CEP83: variants seen among roughly 807,000 people sequenced by gnomAD.
CEP83 encodes centrosomal protein of 83 kDa.
CEP83 carries 70 observed loss-of-function variants against 101.9 expected under a neutral mutation model. The ratio of observed to expected loss-of-function variants is 0.69; its 90% CI spans 0.57 to 0.84. The LOEUF (loss-of-function observed/expected upper bound fraction) is 0.84, where lower values mean the gene tolerates loss of function less well. Ranked by LOEUF, CEP83 falls within the 40% of genes least tolerant of loss-of-function variation. The probability of loss-of-function intolerance (pLI) is 0.00; values close to 1 mark genes in which losing one functional copy is unlikely to be tolerated. For synonymous variants in CEP83, 264 were observed against 267.9 expected (o/e 0.99, Z 0.14); for missense variants, 715 against 787.2 (o/e 0.91, Z 1.10).
rs568769580 is a variant in CEP83, at chr12:94,333,632, C to A, written c.1427G>T (p.Ser476Ile). Residue 476 changes from serine (S) to isoleucine (I), a missense_variant, in exon 13 of 17, where the codon AGT becomes ATT. Ser to Ile is a moderately radical substitution (Grantham distance 142). Coordinates refer to ENST00000397809, the MANE Select transcript of CEP83 (RefSeq NM_016122.3). ...NENSDLKQQI[S>I]SLQIQVTSLA... ...TGAAGTCACTTGGATCTGCAAACTA[C>A]TGATTTGCTTAAAAGAGAAGAAAGA... is the stretch of plus-strand genomic sequence containing the variant. 1.9e-4 allele frequency: 310 copies of A among 1,611,488 alleles called. 4 individuals are homozygous for A. The South Asian group carries it at 3.3e-3, about 17-fold the overall frequency.
chr12:94,403,334 T>C, intron 4 of CEP83, 72 bp from the exon 5 acceptor site: 1 of 721,128 alleles, frequency 1.4e-6, no homozygotes, highest in South Asian at 1.7e-5. Flanking sequence ...TCAAAGCCTC[T>C]CTCCTAATTA....
At chr12:94,348,582 T>C (rs998844264) in intron 11 of CEP83, among the ~76,000 whole-genome samples, 1 of 152,084 alleles carries the variant, frequency 6.6e-6, no homozygotes, top group African/African-American at 2.4e-5. Flanking sequence ...AGTGGCTGGA[T>C]GGAGAAGAAG....
chr12:94,347,050 A>AATATATATATATATATAT lies in CEP83; in HGVS notation c.1344-11404_1344-11387dup, dbSNP rs137940620. The stretch of plus-strand genomic sequence containing the variant: ...AAGATCCTGTATCAAAAAATAAACA[A>AATATATATATATATATAT]ATATATATATATATATATACACATA... On this transcript the variant is annotated intron_variant, in intron 11 of 16. Transcript: ENST00000397809. Among the ~76,000 whole-genome samples, 109 of 132,002 alleles carry AATATATATATATATATAT rather than the reference A, an allele frequency of 8.3e-4. 1 individual carries two copies. Among genetic ancestry groups the AATATATATATATATATAT allele is most frequent in the African/African-American group, 1.9e-3 (68 of 35,632 alleles). The allele number at this position is 132,002 out of a possible 152,430, so 86.6% of individuals were successfully genotyped here.
chr12:94,391,797 AG>A (rs2062557915), intron 6 of CEP83, among the ~76,000 whole-genome samples: 1 of 152,090 alleles, frequency 6.6e-6, no homozygotes, highest in Non-Finnish European at 1.5e-5. Context: ...TACCAAGCAA[AG>A]GTAGATCAAG....
At chr12:94,447,035 T>A (rs928218368) in intron 1 of CEP83, among the ~76,000 whole-genome samples, 2 of 152,158 alleles carry the variant, frequency 1.3e-5, no homozygotes, top group Admixed American at 6.6e-5. Context: ...CAAATTTTTT[T>A]AAAGAAACAC....
the CEP83 span, chr12:94,297,125 C>T: frequency 3.2e-6 from 5 of 1,538,610 alleles, no homozygotes; most frequent in Non-Finnish European, 4.5e-6. Flanking sequence ...TAAGAGAAGG[C>T]CGATTAGCCC....
chr12:94,377,937 AT>A (rs1415452008), intron 7 of CEP83, among the ~76,000 whole-genome samples: 1 of 152,218 alleles, frequency 6.6e-6, no homozygotes, highest in African/African-American at 2.4e-5. Flanking sequence ...ATGTAACAAA[AT>A]AAAAAGTAAC....
chr12:94,400,211 A>G (rs1308244393), intron 6 of CEP83, among the ~76,000 whole-genome samples: 1 of 152,216 alleles, frequency 6.6e-6, no homozygotes, highest in East Asian at 1.9e-4. Flanking sequence ...TTCAATTTGA[A>G]AAATATTCCA....
chr12:94,312,887 G>T, intron 15 of CEP83, 27 bp downstream of exon 15: 2 of 1,302,960 alleles, frequency 1.5e-6, no homozygotes, highest in South Asian at 2.7e-5. Context: ...TAACCACATG[G>T]GGAAGATACA....
chr12:94,376,699 AC>A (rs1272606787), intron 7 of CEP83, among the ~76,000 whole-genome samples: 41 of 113,144 alleles, frequency 3.6e-4, no homozygotes, highest in Non-Finnish European at 6.2e-4. Context: ...ATACACACAC[AC>A]ACACACACAC....
At chr12:94,419,891 C>A (rs1247581971) in intron 2 of CEP83, among the ~76,000 whole-genome samples, 1 of 152,090 alleles carries the variant, frequency 6.6e-6, no homozygotes, top group East Asian at 1.9e-4. Flanking sequence ...CACAAAGTTG[C>A]CACAATATAG....
the CEP83 span, among the ~76,000 whole-genome samples, chr12:94,300,615 A>T: frequency 6.6e-6 from 1 of 152,142 alleles, no homozygotes; most frequent in East Asian, 1.9e-4. Context: ...CTGTCAGGAG[A>T]TGGGAAATAA....
intron 6 of CEP83, among the ~76,000 whole-genome samples, chr12:94,399,025 T>C (rs934829830): frequency 3.3e-5 from 5 of 152,252 alleles, no homozygotes; most frequent in African/African-American, 1.2e-4. Context: ...AGACAATACA[T>C]GCACCACTGA....
chr12:94,279,895 T>TA, the CEP83 span: 1 of 648,872 alleles, frequency 1.5e-6, no homozygotes, highest in Non-Finnish European at 2.8e-6. Flanking sequence ...CTTTAAATAT[T>TA]ACGTCTGTAA....
At chr12:94,384,976 T>C (rs1476080636) in intron 6 of CEP83, among the ~76,000 whole-genome samples, 1 of 152,156 alleles carries the variant, frequency 6.6e-6, no homozygotes, top group Non-Finnish European at 1.5e-5. Flanking sequence ...AACTTGGACA[T>C]TTGGGGAATT....
At chr12:94,288,619 G>C in the CEP83 span, among the ~76,000 whole-genome samples, 3 of 152,230 alleles carry the variant, frequency 2.0e-5, no homozygotes, top group Non-Finnish European at 4.4e-5. Context: ...AGGATGTTCT[G>C]ACGGCCCCTT....
chr12:94,303,919 A>C (rs1301347511), downstream of CEP83: 1 of 1,607,566 alleles, frequency 6.2e-7, no homozygotes, highest in Non-Finnish European at 8.5e-7. Flanking sequence ...AGCAGAAATA[A>C]GCTTATATTT....
intron 11 of CEP83, among the ~76,000 whole-genome samples, chr12:94,352,528 A>G (rs1213827511): frequency 1.3e-5 from 2 of 152,096 alleles, no homozygotes; most frequent in African/African-American, 4.8e-5. Flanking sequence ...AAAATGCCTG[A>G]AAAGAAATTA....
chr12:94,377,363 T>C (rs2061605999), intron 7 of CEP83, among the ~76,000 whole-genome samples: 1 of 152,134 alleles, frequency 6.6e-6, no homozygotes, highest in African/African-American at 2.4e-5. Context: ...TCACACCACA[T>C]ATCAGTAACC....
Sources: allele counts gnomAD v4.1 joint callset (sites outside exome capture counted in the v4.1 genomes callset), GRCh38; gene constraint gnomAD v4.1.1; transcripts MANE v1.5; gene names NCBI Gene and HGNC (gene_info 2026-07-23, HGNC 2026-07-21).